ACOXL: variants seen among roughly 807,000 people sequenced by gnomAD.
ACOXL encodes acyl-CoA oxidase like.
ACOXL carries 70 observed loss-of-function variants against 71.9 expected under a neutral mutation model. That is an observed-to-expected ratio of 0.97 (90% CI 0.80 to 1.19). The LOEUF is 1.19. ACOXL is among the 50% of genes most tolerant of loss of function. The pLI, the probability that ACOXL is intolerant of heterozygous loss-of-function variation, is 0.00. For synonymous variants in ACOXL, 253 were observed against 281.6 expected (o/e 0.90, Z 1.02); for missense variants, 703 against 736.3 (o/e 0.95, Z 0.52).
intron 17 of ACOXL, among the ~76,000 whole-genome samples, chr2:111,106,181 C>G (rs544635230): frequency 8.5e-5 from 13 of 152,248 alleles, no homozygotes; most frequent in African/African-American, 3.1e-4. Flanking sequence ...ACACACGTTC[C>G]TGACCCTCTG....
chr2:111,081,762 A>T (rs2149978298), intron 16 of ACOXL, among the ~76,000 whole-genome samples: 1 of 152,328 alleles, frequency 6.6e-6, no homozygotes, highest in Middle Eastern at 3.4e-3. Flanking sequence ...ACACTACCTG[A>T]CTTCAAACTA....
intron 1 of ACOXL, among the ~76,000 whole-genome samples, chr2:110,734,993 T>C (rs1293551800): frequency 6.6e-6 from 1 of 152,212 alleles, no homozygotes; most frequent in Non-Finnish European, 1.5e-5. Flanking sequence ...AAACACTGGT[T>C]GTGGTGGGAT....
chr2:110,947,970 G>A (rs1413633448), intron 12 of ACOXL, among the ~76,000 whole-genome samples: 5 of 152,212 alleles, frequency 3.3e-5, no homozygotes, highest in Non-Finnish European at 5.9e-5. Flanking sequence ...TGCCACTCTC[G>A]TGTCACCGTG....
chr2:110,839,445 T>C (rs1053311726), intron 9 of ACOXL, among the ~76,000 whole-genome samples: 1 of 152,238 alleles, frequency 6.6e-6, no homozygotes, highest in African/African-American at 2.4e-5. Flanking sequence ...CTCTGAGGCA[T>C]CTTCCTCTTC....
rs72627491 is a variant in ACOXL, at chr2:111,056,311, G to A, written c.1440+7023G>A. Among the ~76,000 whole-genome samples the A allele has an allele frequency of 8.2e-4, 124 of 152,016 alleles. No homozygotes were observed. The East Asian group carries it at 0.02, about 25-fold the overall frequency. ...TCTCATTCCTATGCCATTGAAGCCC[G>A]GGATACTTCACTCTCTTCACTCCTA... On this transcript the variant is annotated intron_variant, in intron 16 of 17. Coordinates refer to ENST00000439055, the MANE Select transcript of ACOXL (RefSeq NM_001142807.4).
intron 14 of ACOXL, chr2:111,016,428 T>A (rs1261277134): frequency 6.6e-6 from 1 of 152,240 alleles, no homozygotes; most frequent in African/African-American, 2.4e-5. Context: ...TCTGACTGTA[T>A]GTGTTTTCTA....
intron 10 of ACOXL, among the ~76,000 whole-genome samples, chr2:110,882,716 C>A (rs7355554): frequency 2.6e-4 from 39 of 151,850 alleles, no homozygotes; most frequent in African/African-American, 8.2e-4. Context: ...GTTCCAGGTC[C>A]CTTTATTGAA....
intron 12 of ACOXL, among the ~76,000 whole-genome samples, chr2:110,979,561 A>C (rs2062611128): frequency 6.6e-6 from 1 of 152,130 alleles, no homozygotes; most frequent in Non-Finnish European, 1.5e-5. Context: ...AGCTGCCTGC[A>C]GGAGTGGTGT....
At chr2:111,095,302 C>T (rs2068744018) in intron 17 of ACOXL, among the ~76,000 whole-genome samples, 1 of 147,962 alleles carries the variant, frequency 6.8e-6, no homozygotes, top group African/African-American at 2.5e-5. Flanking sequence ...ATTAGATAAA[C>T]AATATGCAAT....
At chr2:110,971,016 A>G (rs2062160992) in intron 12 of ACOXL, among the ~76,000 whole-genome samples, 1 of 152,216 alleles carries the variant, frequency 6.6e-6, no homozygotes, top group Admixed American at 6.5e-5. Context: ...GACCCTGTGA[A>G]GAGGATGAAA....
At chr2:110,909,904 G>A (rs1204712782) in intron 11 of ACOXL, among the ~76,000 whole-genome samples, 1 of 151,866 alleles carries the variant, frequency 6.6e-6, no homozygotes, top group Admixed American at 6.6e-5. Context: ...ACAACAGTAA[G>A]ATCCATCCAT....
intron 8 of ACOXL, 140 bp from the exon 9 acceptor site, chr2:110,805,123 G>A (rs1285111629): frequency 7.2e-6 from 8 of 1,116,116 alleles, no homozygotes; most frequent in African/African-American, 1.6e-5. Flanking sequence ...TGCCCTTATC[G>A]GCGCTCTGTC....
intron 11 of ACOXL, among the ~76,000 whole-genome samples, chr2:110,921,202 C>G (rs2060054542): frequency 6.6e-6 from 1 of 152,112 alleles, no homozygotes; most frequent in African/African-American, 2.4e-5. Flanking sequence ...ACTGTTTTGT[C>G]TCTCTCACAT....
chr2:110,910,081 A>C (rs2059597243), intron 11 of ACOXL, among the ~76,000 whole-genome samples: 1 of 152,116 alleles, frequency 6.6e-6, no homozygotes, highest in Non-Finnish European at 1.5e-5. Context: ...ATAAACACTA[A>C]AACCAAATAC....
chr2:110,846,794 G>T lies in ACOXL; in HGVS notation c.788+5389G>T, dbSNP rs530717114. 2.6e-5 allele frequency among the ~76,000 whole-genome samples: 4 copies of T among 151,862 alleles called. No individual in the cohort carries two copies. The South Asian group carries it at 6.2e-4, about 24-fold the overall frequency. On this transcript the variant is annotated intron_variant, in intron 10 of 17. Coordinates refer to ENST00000439055, the MANE Select transcript of ACOXL (RefSeq NM_001142807.4). ...AGAGGGGTGTGTGTGTGTTGGGGGG[G>T]GTGTATGTGTTTGTGTGTGTCTTCA...
At chr2:110,904,777 T>C (rs1488483730) in intron 10 of ACOXL, among the ~76,000 whole-genome samples, 1 of 152,158 alleles carries the variant, frequency 6.6e-6, no homozygotes, top group Non-Finnish European at 1.5e-5. Context: ...GCAGGGTTGG[T>C]AAGCAGGTTT....
At chr2:110,892,407 A>G (rs922990460) in intron 10 of ACOXL, among the ~76,000 whole-genome samples, 1 of 152,132 alleles carries the variant, frequency 6.6e-6, no homozygotes, top group Non-Finnish European at 1.5e-5. Flanking sequence ...GCTCCAGCTG[A>G]GGGGATTTCT....
At chr2:110,986,587 G>C (rs912482084) in intron 12 of ACOXL, among the ~76,000 whole-genome samples, 3 of 152,172 alleles carry the variant, frequency 2.0e-5, no homozygotes, top group African/African-American at 4.8e-5. Flanking sequence ...GCTAGCCATG[G>C]ACATCTTCTT....
Position 110,898,237 on chromosome 2 carries a change from T to G in ACOXL, c.789-10552T>G, listed in dbSNP as rs2059094337. On this transcript the variant is annotated intron_variant, in intron 10 of 17. Transcript: ENST00000439055. The stretch of plus-strand genomic sequence containing the variant: ...CAGAAAGAACACTTTCCAAGTCATT[T>G]TTTTTGAAAGTTAGCCATATACTGA... Among the ~76,000 whole-genome samples, 3 of 152,316 alleles carry G rather than the reference T, an allele frequency of 2.0e-5. No homozygotes were observed. The South Asian group carries it at 6.2e-4, about 32-fold the overall frequency.
Sources: gnomAD v4.1 joint callset for allele counts (sites outside exome capture counted in the v4.1 genomes callset) on GRCh38, gnomAD v4.1.1 for gene constraint, MANE v1.5 for transcripts, NCBI Gene and HGNC (gene_info 2026-07-23, HGNC 2026-07-21) for gene names.